Variants in BRCA2 observed in about 807,000 individuals in gnomAD.
BRCA2 encodes the protein BRCA2 DNA repair associated, also known as breast cancer type 2 susceptibility protein.
BRCA2 carries 203 observed loss-of-function variants against 276.7 expected under a neutral mutation model. The observed-to-expected ratio is 0.73, with a 90% CI of 0.65 to 0.82. The LOEUF is 0.82. Among genes scored for constraint, BRCA2 ranks in the 40% least tolerant of loss-of-function variants. The pLI is 0.00. For missense variants in BRCA2, 3,920 were observed against 3,915.0 expected, an observed-to-expected ratio of 1.00 and a Z score of -0.03; for synonymous variants, 1,289 against 1,338.4, an observed-to-expected ratio of 0.96 and a Z score of 0.81.
intron 2 of BRCA2, 36 bp downstream of exon 2, chr13:32,316,563 C>G (rs2138698844): frequency 6.4e-7 from 1 of 1,564,558 alleles, no homozygotes; most frequent in African/African-American, 1.4e-5. Flanking sequence ...ATAAATTACA[C>G]CGAGAAAGTG....
At position 32,370,978 on chromosome 13, in the gene BRCA2, G is replaced by C. The variant is rs587780663; in HGVS notation, c.8510G>C (p.Gly2837Ala). 6.2e-7 allele frequency: 1 copy of C among 1,614,018 alleles called. No individual in the cohort carries two copies. Among genetic ancestry groups the C allele is most frequent in the Non-Finnish European group, 8.5e-7 (1 of 1,179,974 alleles). Reference protein sequence around the residue: ...PIQWMEKTSSGLYIFRNEREE... With the variant: ...PIQWMEKTSSALYIFRNEREE... The stretch of plus-strand genomic sequence containing the variant: ...CAGTGGATGGAGAAGACATCATCTG[G>C]ATTATACATATTTCGCAATGAAAGA... Residue 2837 changes from glycine to alanine, a missense_variant, in exon 20 of 27, where the codon GGA becomes GCA. Physicochemically the swap from Gly to Ala is moderately conservative, Grantham distance 60. Coordinates refer to ENST00000380152, the MANE Select transcript of BRCA2 (RefSeq NM_000059.4).
intron 22 of BRCA2, 111 bp from the exon 23 acceptor site, chr13:32,379,639 A>G (rs1481716056): frequency 4.7e-6 from 7 of 1,497,124 alleles, no homozygotes; most frequent in Non-Finnish European, 6.5e-6. Context: ...AAAATCCACT[A>G]CTAATGCCCA....
chr13:32,355,088 C>G lies in BRCA2; in HGVS notation c.7235C>G (p.Thr2412Ser). The G allele has an allele frequency of 1.2e-6, 2 of 1,613,922 alleles. No individual in the cohort carries two copies. The highest frequency in any genetic ancestry group is 1.7e-6 in the Non-Finnish European group (2 of 1,179,848). ...AAAGTCTTTGTTCCACCTTTTAAAA[C>G]TAAATCACATTTTCACAGAGTTGAA... ...PTKVFVPPFKTKSHFHRVEQC... is the reference protein window; with the variant it reads ...PTKVFVPPFKSKSHFHRVEQC... Residue 2412 changes from threonine to serine, a missense_variant, in exon 14 of 27, where the codon ACT becomes AGT. By Grantham distance (58) the Thr-to-Ser change is moderately conservative. Coordinates refer to ENST00000380152, the MANE Select transcript of BRCA2 (RefSeq NM_000059.4).
chr13:32,373,526 A>T (rs1471243172), intron 20 of BRCA2, among the ~76,000 whole-genome samples: 1 of 152,056 alleles, frequency 6.6e-6, no homozygotes, highest in Admixed American at 6.6e-5. Flanking sequence ...ATAAAAAAAA[A>T]TAATAAAAAT....
intron 16 of BRCA2, among the ~76,000 whole-genome samples, chr13:32,358,905 G>T (rs1408864967): frequency 6.6e-6 from 1 of 151,734 alleles, no homozygotes; most frequent in Non-Finnish European, 1.5e-5. Flanking sequence ...CTGCACTCCA[G>T]CCTGGGCAAC....
At chr13:32,359,439 A>G (rs373387903) in intron 16 of BRCA2, among the ~76,000 whole-genome samples, 104 of 152,304 alleles carry the variant, frequency 6.8e-4, no homozygotes, top group Non-Finnish European at 1.4e-3. Context: ...TTTAGAAACT[A>G]TATAACCTCT....
At chr13:32,366,587 C>G (rs2072783982) in intron 18 of BRCA2, among the ~76,000 whole-genome samples, 1 of 151,990 alleles carries the variant, frequency 6.6e-6, no homozygotes, top group Non-Finnish European at 1.5e-5. Context: ...TTTGAGAGGC[C>G]AAGGTGAATG....
rs730881523 is a variant in BRCA2, at chr13:32,337,737, A to G, written c.3382A>G (p.Thr1128Ala). The G allele has an allele frequency of 6.2e-7, 1 of 1,613,700 alleles. No individual in the cohort carries two copies. Among genetic ancestry groups the G allele is most frequent in the Non-Finnish European group, 8.5e-7 (1 of 1,179,806 alleles). Residue 1128 changes from threonine (T) to alanine (A), a missense_variant, in exon 11 of 27, where the codon ACT (threonine) becomes GCT (alanine). By Grantham distance (58) the Thr-to-Ala change is moderately conservative. Coordinates refer to ENST00000380152, the MANE Select transcript of BRCA2 (RefSeq NM_000059.4). ...AGAATCAGGAAGTCAGTTTGAATTT[A>G]CTCAGTTTAGAAAACCAAGCTACAT... ...LEESGSQFEFTQFRKPSYILQ... is the reference protein window; with the variant it reads ...LEESGSQFEFAQFRKPSYILQ...
intron 21 of BRCA2, among the ~76,000 whole-genome samples, chr13:32,378,878 G>GCCAA (rs1334639619): frequency 1.3e-5 from 2 of 152,082 alleles, no homozygotes; most frequent in African/African-American, 4.8e-5. Context: ...GGGTTCTAGG[G>GCCAA]CCAACCTCTA....
Position 32,373,009 on chromosome 13 carries a change from T to C in BRCA2, c.8632+1909T>C, listed in dbSNP as rs1312005272. On this transcript the variant is annotated intron_variant, in intron 20 of 26. Transcript: ENST00000380152. ...CAATCAATGAATCTTTTTTTTTTTT[T>C]TGAGACAGGGTCTTGCTCTGTTGTC... Among the ~76,000 whole-genome samples the C allele has an allele frequency of 2.0e-5, 3 of 151,854 alleles. No homozygotes were observed. The South Asian group carries it at 6.3e-4, about 32-fold the overall frequency.
chr13:32,331,080 T>C, intron 9 of BRCA2, 50 bp downstream of exon 9: 1 of 1,409,166 alleles, frequency 7.1e-7, no homozygotes, highest in Non-Finnish European at 9.9e-7. Flanking sequence ...GTTGTTGTTT[T>C]GATTTTTTTT....
chr13:32,354,109 G>A (rs1039735897), intron 13 of BRCA2, among the ~76,000 whole-genome samples: 1 of 152,154 alleles, frequency 6.6e-6, no homozygotes, highest in African/African-American at 2.4e-5. Flanking sequence ...TACAGTGATG[G>A]TGAGAATTTT....
intron 16 of BRCA2, 129 bp downstream of exon 16, chr13:32,358,058 G>A (rs1455269173): frequency 3.1e-6 from 3 of 956,894 alleles, no homozygotes; most frequent in Non-Finnish European, 3.2e-6. Context: ...TGTTTTAAGT[G>A]CATTATGGTT....
chr13:32,390,594 T>G (rs756224414), intron 24 of BRCA2, among the ~76,000 whole-genome samples: 1 of 152,190 alleles, frequency 6.6e-6, no homozygotes, highest in Non-Finnish European at 1.5e-5. Context: ...ATTTGTCCTA[T>G]TCATTATTCA....
At chr13:32,344,144 A>T (rs1345177430) in intron 11 of BRCA2, among the ~76,000 whole-genome samples, 1 of 148,248 alleles carries the variant, frequency 6.7e-6, no homozygotes, top group African/African-American at 2.5e-5. Context: ...TTACTCCTTC[A>T]GTTAATGGCT....
Position 32,344,452 on chromosome 13 carries a change from A to G in BRCA2, c.6842-106A>G, listed in dbSNP as rs919525560. ...TTTGTTGTAAGTATTTTTGTTTAAC[A>G]TTTAAAGAGTCAATACTTTAGCTTT... On this transcript the variant is annotated intron_variant, in intron 11 of 26. Transcript: ENST00000380152. 1.6e-5 allele frequency: 11 copies of G among 697,880 alleles called. No homozygotes were observed. The African/African-American group carries it at 2.0e-4, about 13-fold the overall frequency. The allele number at this position is 697,880 out of a possible 1,614,324, so 43.2% of individuals were successfully genotyped here.
rs11571742 is a variant in BRCA2, at chr13:32,369,961, G to A, written c.8332-441G>A. Among the ~76,000 whole-genome samples the A allele has an allele frequency of 0.23, 35,455 of 152,120 alleles. 4,424 individuals are homozygous for A. The highest frequency in any genetic ancestry group is 0.27 in the Non-Finnish European group (18,109 of 67,956). On this transcript the variant is annotated intron_variant, in intron 18 of 26. Coordinates refer to ENST00000380152, the MANE Select transcript of BRCA2 (RefSeq NM_000059.4). The stretch of plus-strand genomic sequence containing the variant: ...CGATGAATATTTGCTTTTTGTATTA[G>A]CCATAATCATTCTCAGGCTGCTTTG...
chr13:32,326,226 C>CT lies in BRCA2; in HGVS notation c.476-9dup, dbSNP rs276174849. 49 of 1,612,880 alleles carry CT rather than the reference C, an allele frequency of 3.0e-5. No individual in the cohort carries two copies. The highest frequency in any genetic ancestry group is 3.3e-4 in the Middle Eastern group (2 of 6,044). On this transcript the variant is annotated splice_polypyrimidine_tract_variant and intron_variant, in intron 5 of 26. Transcript: ENST00000380152. ...AAAAATAAAACTTAACAATTTTCCC[C>CT]TTTTTTTACCCCCAGTGGTATGTGG...
chr13:32,356,438 A>G lies in BRCA2; in HGVS notation c.7446A>G (p.Thr2482=). ...TTTATTCTTTGATAGATTTAATTAC[A>G]AGTCTTCAGAATGCCAGAGATATAC... ...KCEEEPLDLI[T]SLQNARDIQD... Residue 2482 remains threonine, a synonymous_variant, in exon 15 of 27, where the codon ACA becomes ACG. Transcript: ENST00000380152. 6.2e-7 allele frequency: 1 copy of G among 1,613,486 alleles called. No homozygotes were observed. Among genetic ancestry groups the G allele is most frequent in the South Asian group, 1.1e-5 (1 of 91,066 alleles).
Sources: allele counts gnomAD v4.1 joint callset (sites outside exome capture counted in the v4.1 genomes callset), GRCh38; gene constraint gnomAD v4.1.1; transcripts MANE v1.5; gene names NCBI Gene and HGNC (gene_info 2026-07-23, HGNC 2026-07-21).